LARGE1: variants seen among roughly 807,000 people sequenced by gnomAD.
The protein encoded by LARGE1 is LARGE xylosyl- and glucuronyltransferase 1.
In LARGE1, 43 loss-of-function variants were observed where a neutral mutation model predicts 87.6. The ratio of observed to expected loss-of-function variants is 0.49; its 90% CI spans 0.38 to 0.63. The LOEUF (loss-of-function observed/expected upper bound fraction) is 0.63, where lower values mean the gene tolerates loss of function less well. Ranked by LOEUF, LARGE1 falls within the 30% of genes least tolerant of loss-of-function variation. The pLI is 0.00. For synonymous variants in LARGE1, 434 were observed against 394.6 expected, an observed-to-expected ratio of 1.10 and a Z score of -1.18; for missense variants, 802 against 1,000.2, an observed-to-expected ratio of 0.80 and a Z score of 2.67.
chr22:33,263,563 C>A (rs1037809764), intron 11 of LARGE1, among the ~76,000 whole-genome samples: 2 of 152,216 alleles, frequency 1.3e-5, no homozygotes, highest in Non-Finnish European at 2.9e-5. Flanking sequence ...ATTCTTCCAA[C>A]AACCAATGAA....
chr22:33,679,872 A>C (rs887341592), intron 2 of LARGE1, among the ~76,000 whole-genome samples: 4 of 152,158 alleles, frequency 2.6e-5, no homozygotes, highest in African/African-American at 9.7e-5. Context: ...AAAAGAAAAA[A>C]AGAAGTTAGG....
At chr22:33,362,691 A>C (rs909531495) in intron 9 of LARGE1, among the ~76,000 whole-genome samples, 1 of 150,114 alleles carries the variant, frequency 6.7e-6, no homozygotes, top group Admixed American at 6.6e-5. Context: ...ATTAAATATT[A>C]TTTGAGTTTA....
intron 11 of LARGE1, among the ~76,000 whole-genome samples, chr22:33,310,978 TG>T: frequency 1.3e-5 from 2 of 151,696 alleles, no homozygotes; most frequent in Non-Finnish European, 1.5e-5. Flanking sequence ...TTTTTTTTTT[TG>T]AGACCGAGTC....
intron 2 of LARGE1, among the ~76,000 whole-genome samples, chr22:33,697,801 G>A (rs1407540611): frequency 6.6e-6 from 1 of 152,138 alleles, no homozygotes; most frequent in East Asian, 1.9e-4. Context: ...TGAAATGTTT[G>A]TATTTCTCTG....
chr22:33,218,421 A>G (rs1925309963), intron 11 of LARGE1, among the ~76,000 whole-genome samples: 2 of 152,082 alleles, frequency 1.3e-5, no homozygotes, highest in Non-Finnish European at 2.9e-5. Context: ...CACAAATACT[A>G]TTCATCCTCC....
At chr22:33,090,612 G>GGGGCCATAGCATGTA in the LARGE1 span, among the ~76,000 whole-genome samples, 1 of 152,188 alleles carries the variant, frequency 6.6e-6, no homozygotes, top group South Asian at 2.1e-4. Context: ...TGATAGCAAT[G>GGGGCCATAGCATGTA]GGGCCATAGC....
intron 6 of LARGE1, among the ~76,000 whole-genome samples, chr22:33,460,850 G>A (rs1169636185): frequency 6.6e-6 from 1 of 152,068 alleles, no homozygotes; most frequent in African/African-American, 2.4e-5. Flanking sequence ...CTTGGGTCTG[G>A]GTAAAAGACA....
chr22:33,565,796 T>A (rs1192198718), intron 5 of LARGE1, among the ~76,000 whole-genome samples: 1 of 152,108 alleles, frequency 6.6e-6, no homozygotes, highest in African/African-American at 2.4e-5. Flanking sequence ...AATGGAACAA[T>A]CAATGGCTTG....
chr22:33,551,570 GCTT>G (rs780484506), intron 6 of LARGE1, among the ~76,000 whole-genome samples: 5 of 152,150 alleles, frequency 3.3e-5, no homozygotes, highest in Admixed American at 6.5e-5. Context: ...AAGGAAACTG[GCTT>G]CTTTTCTTAG....
intron 11 of LARGE1, among the ~76,000 whole-genome samples, chr22:33,217,585 A>G (rs995439491): frequency 3.9e-5 from 6 of 152,230 alleles, no homozygotes; most frequent in African/African-American, 7.2e-5. Context: ...ATACATGTGA[A>G]GTAGTAAAAT....
chr22:33,541,991 C>T (rs1201218011), intron 6 of LARGE1, among the ~76,000 whole-genome samples: 1 of 151,676 alleles, frequency 6.6e-6, no homozygotes, highest in East Asian at 1.9e-4. Flanking sequence ...GGTGAAACCC[C>T]ATCTCTACTA....
intron 1 of LARGE1, among the ~76,000 whole-genome samples, chr22:33,871,982 CAA>C (rs58105742): frequency 3.5e-4 from 30 of 86,742 alleles, no homozygotes; most frequent in Admixed American, 5.2e-4. Context: ...TCTAAATCAG[CAA>C]AAAAAAAAAA....
chr22:33,694,234 G>A (rs1434353482), intron 2 of LARGE1, among the ~76,000 whole-genome samples: 1 of 152,224 alleles, frequency 6.6e-6, no homozygotes, highest in Non-Finnish European at 1.5e-5. Flanking sequence ...AACACAGAAG[G>A]AAAATCTAGA....
At chr22:33,779,626 A>G (rs2085353880) in intron 1 of LARGE1, among the ~76,000 whole-genome samples, 2 of 152,086 alleles carry the variant, frequency 1.3e-5, no homozygotes, top group South Asian at 4.2e-4. Flanking sequence ...CTCAAAATAC[A>G]AAAATTGCCA....
At chr22:33,477,676 T>C (rs1194033270) in intron 6 of LARGE1, among the ~76,000 whole-genome samples, 1 of 152,082 alleles carries the variant, frequency 6.6e-6, no homozygotes, top group African/African-American at 2.4e-5. Flanking sequence ...AGCTGAGTAA[T>C]TCCACCTTCA....
intron 11 of LARGE1, among the ~76,000 whole-genome samples, chr22:33,218,412 A>G (rs5998815): frequency 0.026 from 4,022 of 152,238 alleles, 176 homozygotes; most frequent in African/African-American, 0.089. Flanking sequence ...CCTTGCATGC[A>G]CAAATACTAT....
intron 11 of LARGE1, among the ~76,000 whole-genome samples, chr22:33,206,480 G>A (rs1307452297): frequency 6.6e-6 from 1 of 152,112 alleles, no homozygotes; most frequent in Non-Finnish European, 1.5e-5. Context: ...TTTTTTAAAA[G>A]GAGTTTATGC....
chr22:33,693,747 C>T (rs2082165628), intron 2 of LARGE1, among the ~76,000 whole-genome samples: 1 of 152,106 alleles, frequency 6.6e-6, no homozygotes, highest in Non-Finnish European at 1.5e-5. Context: ...TCACTTGAAC[C>T]CCGGAGGCGG....
intron 6 of LARGE1, among the ~76,000 whole-genome samples, chr22:33,479,016 C>G (rs1420375394): frequency 1.3e-5 from 2 of 152,150 alleles, no homozygotes; most frequent in African/African-American, 4.8e-5. Flanking sequence ...AGGAACCTCA[C>G]CATTCATATG....
Sources: gnomAD v4.1 joint callset for allele counts (sites outside exome capture counted in the v4.1 genomes callset) on GRCh38, gnomAD v4.1.1 for gene constraint, MANE v1.5 for transcripts, NCBI Gene and HGNC (gene_info 2026-07-23, HGNC 2026-07-21) for gene names.